SLC8A1: variants seen among roughly 807,000 people sequenced by gnomAD.
SLC8A1 encodes solute carrier family 8 member A1.
Under a neutral mutation model 68.3 loss-of-function variants are expected in SLC8A1, and 18 were observed. The observed-to-expected ratio is 0.26, with a 90% confidence interval of 0.18 to 0.39. The LOEUF (loss-of-function observed/expected upper bound fraction) is 0.39. Among genes scored for constraint, SLC8A1 ranks in the 10% least tolerant of loss-of-function variants. SLC8A1 has a pLI of 1.00. For missense variants in SLC8A1, 985 were observed against 1,156.7 expected, an observed-to-expected ratio of 0.85 and a Z score of 2.15; for synonymous variants, 475 against 415.5, an observed-to-expected ratio of 1.14 and a Z score of -1.74.
chr2:40,246,604 A>C (rs1054922247), intron 2 of SLC8A1, among the ~76,000 whole-genome samples: 7 of 152,210 alleles, frequency 4.6e-5, no homozygotes, highest in Admixed American at 6.5e-5. Flanking sequence ...AAGGTCTGCC[A>C]GCTGAATGCA....
chr2:40,171,196 C>G (rs2047430841), intron 4 of SLC8A1, among the ~76,000 whole-genome samples: 1 of 152,176 alleles, frequency 6.6e-6, no homozygotes, highest in Non-Finnish European at 1.5e-5. Flanking sequence ...TAAAGTGAAG[C>G]TGAATTTGAA....
chr2:40,244,471 G>A (rs1428950288), intron 2 of SLC8A1, among the ~76,000 whole-genome samples: 2 of 149,708 alleles, frequency 1.3e-5, no homozygotes, highest in Non-Finnish European at 3.0e-5. Context: ...ACGTTACTCT[G>A]ATTTTTCCAC....
At chr2:40,280,103 A>G (rs2067295374) in intron 2 of SLC8A1, among the ~76,000 whole-genome samples, 1 of 152,126 alleles carries the variant, frequency 6.6e-6, no homozygotes, top group South Asian at 2.1e-4. Context: ...CTAGCCTTTT[A>G]GATAGATTTC....
At chr2:40,495,346 C>A (rs545025278) in intron 1 of SLC8A1, among the ~76,000 whole-genome samples, 1 of 152,054 alleles carries the variant, frequency 6.6e-6, no homozygotes, top group East Asian at 1.9e-4. Context: ...TGCCTGAAAG[C>A]AAAAGTGTTT....
intron 1 of SLC8A1, among the ~76,000 whole-genome samples, chr2:40,439,977 T>C (rs1700180885): frequency 1.3e-5 from 2 of 152,108 alleles, no homozygotes; most frequent in African/African-American, 4.8e-5. Context: ...GTATAGTATA[T>C]ATTACCTATT....
chr2:40,110,134 C>T (rs1380689441), exon 8 of SLC8A1: 1 of 152,104 alleles, frequency 6.6e-6, no homozygotes, highest in African/African-American at 2.4e-5. Context: ...TTCTTGTGGG[C>T]TGGAAACCTG....
chr2:40,429,470 G>C (rs781195601), exon 2 of SLC8A1: 1 of 1,613,782 alleles, frequency 6.2e-7, no homozygotes, highest in Non-Finnish European at 8.5e-7. Context: ...ATCCCCCTCT[G>C]CTTGCCAGCT....
chr2:40,221,376 G>A (rs1049784800), intron 2 of SLC8A1, among the ~76,000 whole-genome samples: 10 of 152,052 alleles, frequency 6.6e-5, no homozygotes, highest in African/African-American at 1.7e-4. Flanking sequence ...TTGATAGAAC[G>A]TATTTCAAAA....
chr2:40,283,573 T>C (rs1440569368), intron 2 of SLC8A1, among the ~76,000 whole-genome samples: 1 of 152,092 alleles, frequency 6.6e-6, no homozygotes, highest in Non-Finnish European at 1.5e-5. Flanking sequence ...CTTTCCAAAA[T>C]TACGAAAGAA....
At chr2:40,266,603 G>C (rs1050084694) in intron 2 of SLC8A1, among the ~76,000 whole-genome samples, 9 of 152,252 alleles carry the variant, frequency 5.9e-5, no homozygotes, top group Admixed American at 5.9e-4. Flanking sequence ...TTCTAGGACA[G>C]ATTTTCCCAA....
At position 40,384,523 on chromosome 2, in the gene SLC8A1, T is replaced by C. The variant is rs117001256; in HGVS notation, c.1808+43950A>G. Among the ~76,000 whole-genome samples, 24 of 152,154 alleles carry C rather than the reference T, an allele frequency of 1.6e-4. No homozygotes were observed. In the East Asian group the frequency reaches 3.9e-3, roughly 25 times the overall value. ...ACATCATCATCATTCAAAAAGAACATAGAAGACAGAACTAAATTCTTCTAT... is the reference window on the plus strand; with the variant it reads ...ACATCATCATCATTCAAAAAGAACACAGAAGACAGAACTAAATTCTTCTAT... On this transcript the variant is annotated intron_variant, in intron 2 of 7. Transcript: ENST00000406785.
chr2:40,180,025 A>G (rs1266005650), intron 2 of SLC8A1, among the ~76,000 whole-genome samples: 2 of 152,154 alleles, frequency 1.3e-5, no homozygotes, highest in African/African-American at 2.4e-5. Flanking sequence ...GCTGCAGCTC[A>G]TGAAACTCCT....
intron 2 of SLC8A1, among the ~76,000 whole-genome samples, chr2:40,409,954 G>C (rs1258179388): frequency 6.6e-6 from 1 of 151,454 alleles, no homozygotes; most frequent in Non-Finnish European, 1.5e-5. Context: ...CTGTGAGCGA[G>C]TTTAAAATAA....
At chr2:40,467,068 C>T (rs1298467167) in intron 1 of SLC8A1, among the ~76,000 whole-genome samples, 2 of 151,556 alleles carry the variant, frequency 1.3e-5, no homozygotes, top group Admixed American at 6.6e-5. Flanking sequence ...TGGTGCACAC[C>T]AGGGGGACAG....
At chr2:40,452,192 A>T (rs1428613895), upstream of SLC8A1, 1 of 147,118 alleles carries the variant, frequency 6.8e-6, no homozygotes, top group Non-Finnish European at 1.5e-5. Context: ...TCCCGCGCAC[A>T]CTCGCCCGCC....
intron 2 of SLC8A1, among the ~76,000 whole-genome samples, chr2:40,303,379 G>T (rs1346205406): frequency 2.0e-5 from 3 of 152,154 alleles, no homozygotes; most frequent in African/African-American, 7.2e-5. Context: ...GCACTGGCTG[G>T]GGAAAGTGGA....
chr2:40,271,705 C>A (rs2066052059), intron 2 of SLC8A1, among the ~76,000 whole-genome samples: 1 of 152,204 alleles, frequency 6.6e-6, no homozygotes, highest in Non-Finnish European at 1.5e-5. Context: ...TGAATAAATT[C>A]AATGTATATT....
chr2:40,270,999 A>G (rs1452593573), intron 2 of SLC8A1, among the ~76,000 whole-genome samples: 1 of 152,094 alleles, frequency 6.6e-6, no homozygotes, highest in East Asian at 1.9e-4. Context: ...CTCCTGAGGT[A>G]TACCCTAATC....
chr2:40,449,674 TAAA>T (rs1702082285), intron 1 of SLC8A1, among the ~76,000 whole-genome samples: 1 of 74,212 alleles, frequency 1.3e-5, no homozygotes, highest in Admixed American at 1.4e-4. Context: ...ATAATAATAT[TAAA>T]GTAAAGACAT....
Sources: allele counts gnomAD v4.1 joint callset (sites outside exome capture counted in the v4.1 genomes callset), GRCh38; gene constraint gnomAD v4.1.1; transcripts MANE v1.5; gene names NCBI Gene and HGNC (gene_info 2026-07-23, HGNC 2026-07-21).